Variants in PARD3 observed in about 807,000 individuals in gnomAD.
PARD3 encodes partitioning defective 3 homolog.
PARD3 carries 75 observed loss-of-function variants against 155.4 expected under a neutral mutation model. That is an observed-to-expected ratio of 0.48 (90% CI 0.40 to 0.58). PARD3 has a LOEUF of 0.58. Ranked by LOEUF, PARD3 falls within the 20% of genes least tolerant of loss-of-function variation. The pLI is 0.00. For missense variants in PARD3, 1,642 were observed against 1,721.7 expected, an observed-to-expected ratio of 0.95 and a Z score of 0.82; for synonymous variants, 576 against 610.5, an observed-to-expected ratio of 0.94 and a Z score of 0.83.
intron 1 of PARD3, among the ~76,000 whole-genome samples, chr10:34,701,710 C>T (rs1365929242): frequency 6.6e-6 from 1 of 151,948 alleles, no homozygotes; most frequent in Admixed American, 6.6e-5. Context: ...GTCTGGGGAA[C>T]GTAGTGAGGC....
chr10:34,250,090 T>C (rs1213556776), intron 22 of PARD3, among the ~76,000 whole-genome samples: 1 of 151,846 alleles, frequency 6.6e-6, no homozygotes, highest in East Asian at 1.9e-4. Flanking sequence ...TCTTGGAACA[T>C]ATGAAATAGA....
chr10:34,688,558 A>T (rs2093991738), intron 2 of PARD3, among the ~76,000 whole-genome samples: 1 of 152,252 alleles, frequency 6.6e-6, no homozygotes, highest in African/African-American at 2.4e-5. Context: ...TTCCAGAAAC[A>T]CAGAGAAAGG....
chr10:34,510,602 T>C (rs538734016), intron 3 of PARD3, among the ~76,000 whole-genome samples: 1 of 152,296 alleles, frequency 6.6e-6, no homozygotes, highest in African/African-American at 2.4e-5. Context: ...AATTCGGTGC[T>C]ATATGGAGTG....
At chr10:34,115,751 T>C (rs1025527613) in intron 24 of PARD3, among the ~76,000 whole-genome samples, 1 of 151,916 alleles carries the variant, frequency 6.6e-6, no homozygotes, top group East Asian at 1.9e-4. Context: ...TTTGCTCTGT[T>C]GCCCAGGCTG....
At chr10:34,729,049 A>G (rs754297717) in intron 1 of PARD3, among the ~76,000 whole-genome samples, 69 of 152,344 alleles carry the variant, frequency 4.5e-4, no homozygotes, top group Non-Finnish European at 8.2e-4. Context: ...GTCCAGGAGC[A>G]ACAGGTTAGA....
intron 22 of PARD3, among the ~76,000 whole-genome samples, chr10:34,172,754 A>C (rs1358414568): frequency 7.0e-6 from 1 of 143,366 alleles, no homozygotes; most frequent in Non-Finnish European, 1.6e-5. Flanking sequence ...AACAACAAAA[A>C]AAAAAACAAA....
At chr10:34,444,805 A>G (rs921925426) in intron 5 of PARD3, among the ~76,000 whole-genome samples, 2 of 152,240 alleles carry the variant, frequency 1.3e-5, no homozygotes, top group African/African-American at 4.8e-5. Context: ...TAGAGGGGCC[A>G]GCTAGCTTAG....
intron 1 of PARD3, among the ~76,000 whole-genome samples, chr10:34,743,271 A>G (rs991776540): frequency 7.9e-5 from 12 of 152,204 alleles, no homozygotes; most frequent in Non-Finnish European, 1.3e-4. Context: ...TGGTTTCCTA[A>G]GGAACTAGAC....
At chr10:34,211,198 C>A (rs1951730636) in intron 22 of PARD3, among the ~76,000 whole-genome samples, 1 of 152,158 alleles carries the variant, frequency 6.6e-6, no homozygotes, top group South Asian at 2.1e-4. Context: ...GAGCAATCAC[C>A]TCCAACCAAG....
rs945414424 is a variant in PARD3 at position 34,259,629 on chromosome 10, C to T, written c.3419+10028G>A. Among the ~76,000 whole-genome samples, 14 of 152,242 alleles carry T rather than the reference C, an allele frequency of 9.2e-5. No homozygotes were observed. In the East Asian group the frequency reaches 1.9e-3, roughly 21 times the overall value. On this transcript the variant is annotated intron_variant, in intron 22 of 24. Transcript: ENST00000374788. ...CATTCACAAGTTCCAGAAATTAGGG[C>T]GTGGGCATCTTTGGGGAAGCATTAT...
At chr10:34,320,567 G>A (rs1289102745) in intron 19 of PARD3, among the ~76,000 whole-genome samples, 1 of 152,160 alleles carries the variant, frequency 6.6e-6, no homozygotes, top group Non-Finnish European at 1.5e-5. Context: ...CTTGGGAACA[G>A]AATAATGGCA....
At chr10:34,749,030 A>G (rs1835659649) in intron 1 of PARD3, among the ~76,000 whole-genome samples, 1 of 152,242 alleles carries the variant, frequency 6.6e-6, no homozygotes, top group Non-Finnish European at 1.5e-5. Flanking sequence ...AACGGCATGA[A>G]GCGTAACCCA....
intron 2 of PARD3, among the ~76,000 whole-genome samples, chr10:34,583,213 T>C (rs376565589): frequency 6.6e-6 from 1 of 152,182 alleles, no homozygotes; most frequent in African/African-American, 2.4e-5. Flanking sequence ...GATATAACCA[T>C]CTAAGTTTTT....
intron 22 of PARD3, among the ~76,000 whole-genome samples, chr10:34,261,824 A>AGAAAGAAG (rs1491205684): frequency 6.9e-6 from 1 of 145,874 alleles, no homozygotes; most frequent in Non-Finnish European, 1.5e-5. Flanking sequence ...AAAGAAAGAA[A>AGAAAGAAG]GAAACAAACA....
rs182940449 is a variant in PARD3 at position 34,471,695 on chromosome 10, A to T, written c.404-1432T>A. ...TCAGCCTCCCGAGTAGCTACAGGCT[A>T]CTACAAGTGTGCACCACCATGATAA... is the stretch of plus-strand genomic sequence containing the variant. On this transcript the variant is annotated intron_variant, in intron 3 of 24. Coordinates refer to ENST00000374788, the MANE Select transcript of PARD3 (RefSeq NM_001184785.2). Among the ~76,000 whole-genome samples, 6 of 152,250 alleles carry T rather than the reference A, an allele frequency of 3.9e-5. No individual in the cohort carries two copies. The East Asian group carries it at 1.2e-3, about 29-fold the overall frequency.
At chr10:34,750,642 T>C (rs763590462) in intron 1 of PARD3, among the ~76,000 whole-genome samples, 24 of 152,160 alleles carry the variant, frequency 1.6e-4, no homozygotes, top group Non-Finnish European at 2.9e-4. Flanking sequence ...TTATAAATGT[T>C]AATGCATTTT....
intron 1 of PARD3, among the ~76,000 whole-genome samples, chr10:34,733,903 AAAG>A (rs1225237380): frequency 3.3e-5 from 5 of 152,200 alleles, no homozygotes; most frequent in Non-Finnish European, 5.9e-5. Context: ...CCAATTCACA[AAAG>A]AAGAGAGTAA....
intron 1 of PARD3, among the ~76,000 whole-genome samples, chr10:34,709,176 TAAAC>T (rs2094413710): frequency 6.6e-6 from 1 of 151,930 alleles, no homozygotes; most frequent in Admixed American, 6.6e-5. Context: ...GACCCAAATT[TAAAC>T]AAAAAAAGTC....
chr10:34,170,118 C>T (rs1293646450), intron 22 of PARD3, among the ~76,000 whole-genome samples: 1 of 152,182 alleles, frequency 6.6e-6, no homozygotes, highest in African/African-American at 2.4e-5. Flanking sequence ...GACAGGGTCT[C>T]ACTCTGTTGT....
Sources: allele counts gnomAD v4.1 joint callset (sites outside exome capture counted in the v4.1 genomes callset), GRCh38; gene constraint gnomAD v4.1.1; transcripts MANE v1.5; gene names NCBI Gene and HGNC (gene_info 2026-07-23, HGNC 2026-07-21).